CRACD: variants seen among roughly 807,000 people sequenced by gnomAD.
The protein encoded by CRACD is capping protein-inhibiting regulator of actin dynamics.
Under a neutral mutation model 106.8 loss-of-function variants are expected in CRACD, and 56 were observed. The ratio of observed to expected loss-of-function variants is 0.52; its 90% CI spans 0.42 to 0.66. The LOEUF (loss-of-function observed/expected upper bound fraction) is 0.66, where lower values mean the gene tolerates loss of function less well. CRACD is among the 30% of genes least tolerant of loss of function. The probability of loss-of-function intolerance (pLI) is 0.00; values close to 1 mark genes in which losing one functional copy is unlikely to be tolerated. For synonymous variants in CRACD, 754 were observed against 670.8 expected (o/e 1.12, Z -1.92); for missense variants, 1,730 against 1,623.2 (o/e 1.07, Z -1.13).
Position 56,298,235 on chromosome 4 carries a change from A to G in CRACD, c.6A>G (p.Gly2=). 6.2e-7 allele frequency: 1 copy of G among 1,614,130 alleles called. No individual in the cohort carries two copies. The highest frequency in any genetic ancestry group is 8.5e-7 in the Non-Finnish European group (1 of 1,179,988). The change falls in exon 4 of 11, where the codon GGA becomes GGG. Residue 2 remains glycine, a synonymous_variant. Transcript: ENST00000682029. M[G]TRAFSHDSIF... The stretch of plus-strand genomic sequence containing the variant: ...CCAGGTCCTTCAACTATTCTATGGG[A>G]ACCCGGGCATTTTCCCATGACAGTA...
intron 2 of CRACD, among the ~76,000 whole-genome samples, chr4:56,220,946 A>G (rs1738997811): frequency 6.6e-6 from 1 of 152,232 alleles, no homozygotes; most frequent in Admixed American, 6.5e-5. Flanking sequence ...GAGAAGTGAA[A>G]AGAAGGTCCA....
intron 3 of CRACD, among the ~76,000 whole-genome samples, chr4:56,276,772 G>A (rs141756750): frequency 6.6e-6 from 1 of 152,356 alleles, no homozygotes; most frequent in East Asian, 1.9e-4. Context: ...ACTAGGCTCA[G>A]ATGTCTGCCT....
chr4:56,250,705 C>A lies in CRACD; in HGVS notation c.-188-21616C>A, dbSNP rs116116731. On this transcript the variant is annotated intron_variant, in intron 2 of 10. Transcript: ENST00000682029. ...CTGTGTAACAACGGGCAAATCATCT[C>A]AGCTCTCTGAGCTTCCATTTTCTAT... 6.7e-3 allele frequency among the ~76,000 whole-genome samples: 1,017 copies of A among 152,288 alleles called. 15 individuals carry two copies. The highest frequency in any genetic ancestry group is 0.023 in the African/African-American group (975 of 41,564).
At chr4:56,239,976 G>A (rs1740267685) in intron 2 of CRACD, among the ~76,000 whole-genome samples, 1 of 152,016 alleles carries the variant, frequency 6.6e-6, no homozygotes, top group South Asian at 2.1e-4. Context: ...TTAAGCCTAT[G>A]ACAGGTTTTT....
chr4:56,325,439 CGT>C (rs992609341), intron 10 of CRACD, among the ~76,000 whole-genome samples: 2 of 152,208 alleles, frequency 1.3e-5, no homozygotes, highest in African/African-American at 4.8e-5. Context: ...GATGGTGACA[CGT>C]GGCTCAGAAG....
At chr4:56,247,859 AAAAG>A (rs1213558778) in intron 2 of CRACD, among the ~76,000 whole-genome samples, 1 of 151,834 alleles carries the variant, frequency 6.6e-6, no homozygotes, top group East Asian at 1.9e-4. Flanking sequence ...GAAAAAAAAA[AAAAG>A]AGAGAGAGAG....
chr4:56,087,756 C>T (rs1470431834), intron 1 of CRACD, among the ~76,000 whole-genome samples: 1 of 152,156 alleles, frequency 6.6e-6, no homozygotes, highest in South Asian at 2.1e-4. Context: ...ACCTCAGTCC[C>T]TTCTCCCTAA....
chr4:56,189,644 C>T (rs1196268247), intron 2 of CRACD, among the ~76,000 whole-genome samples: 5 of 143,238 alleles, frequency 3.5e-5, no homozygotes, highest in Admixed American at 1.4e-4. Context: ...TGAGAACATG[C>T]GGTGTTTGGT....
chr4:56,146,385 G>A (rs1735379670), intron 1 of CRACD, among the ~76,000 whole-genome samples: 2 of 150,836 alleles, frequency 1.3e-5, no homozygotes, highest in Non-Finnish European at 3.0e-5. Context: ...AGTTTTCTTT[G>A]CCATGTATCT....
chr4:56,216,019 C>T (rs937057603), intron 2 of CRACD: 62 of 152,192 alleles, frequency 4.1e-4, no homozygotes, highest in African/African-American at 1.4e-3. Flanking sequence ...CGGGAGTAGC[C>T]CTTGCTCTTG....
chr4:56,087,337 A>C (rs1007551012), intron 1 of CRACD, among the ~76,000 whole-genome samples: 10 of 152,178 alleles, frequency 6.6e-5, no homozygotes, highest in Non-Finnish European at 1.5e-4. Context: ...GTGATTTGGC[A>C]TTGAGAAATA....
chr4:56,329,570 CTG>C lies in CRACD; in HGVS notation c.*1768_*1769del, dbSNP rs753318017. Among the ~76,000 whole-genome samples, 14 of 152,186 alleles carry C rather than the reference CTG, an allele frequency of 9.2e-5. No homozygotes were observed. Among genetic ancestry groups the C allele is most frequent in the Non-Finnish European group, 2.1e-4 (14 of 68,030 alleles). ...ATATCATATATACTGGACCTTCAGA[CTG>C]TTAAAAATCAATGTAACCTTTTTTT... On this transcript the variant is annotated 3_prime_UTR_variant, in exon 11 of 11. Coordinates refer to ENST00000682029, the MANE Select transcript of CRACD (RefSeq NM_001393381.1).
At chr4:56,105,413 C>T (rs529321930) in intron 1 of CRACD, among the ~76,000 whole-genome samples, 2 of 152,214 alleles carry the variant, frequency 1.3e-5, no homozygotes, top group East Asian at 1.9e-4. Context: ...GTGGAAGGAT[C>T]GCTTGAGGCC....
At chr4:56,089,509 AT>A (rs761380094) in intron 1 of CRACD, among the ~76,000 whole-genome samples, 11,438 of 124,258 alleles carry the variant, frequency 0.092, 341 homozygotes, top group East Asian at 0.23. Flanking sequence ...GTATTATAGG[AT>A]TTTTTTTTTT....
At position 56,236,750 on chromosome 4, in the gene CRACD, A is replaced by AG. The variant is rs1274865337; in HGVS notation, c.-188-35571_-188-35570insG. Among the ~76,000 whole-genome samples the AG allele has an allele frequency of 3.9e-5, 6 of 152,236 alleles. No individual in the cohort carries two copies. In the East Asian group the frequency reaches 9.6e-4, roughly 24 times the overall value. ...TATTTTCAAAGACTAAAAAAAAAAA[A>AG]CAAAACTTTTGTGCTGCAAAATATG... On this transcript the variant is annotated intron_variant, in intron 2 of 10. Transcript: ENST00000682029.
At chr4:56,297,172 A>C (rs1266984697) in intron 3 of CRACD, among the ~76,000 whole-genome samples, 4 of 151,792 alleles carry the variant, frequency 2.6e-5, no homozygotes, top group African/African-American at 9.7e-5. Context: ...CGAACTCCAG[A>C]CCTCAGGTGA....
rs779361664 is a variant in CRACD, at chr4:56,328,363, G to C, written c.*559G>C. The C allele has an allele frequency of 9.6e-6, 5 of 518,916 alleles. No individual in the cohort carries two copies. Among genetic ancestry groups the C allele is most frequent in the Admixed American group, 7.8e-5 (4 of 51,582 alleles). 32.1% of individuals were successfully genotyped at this position (518,916 alleles called of 1,614,324 possible). A position where few individuals can be genotyped will look rare whatever the true frequency, so the allele number is the denominator to read the frequency against. On this transcript the variant is annotated 3_prime_UTR_variant, in exon 11 of 11. Transcript: ENST00000682029. Reference sequence around the variant, plus strand: ...CTGGCACCCAACTGTGCCCATCTTAGTTTTCATGAGTTTTCCCCACTCTGA... The same window carrying C: ...CTGGCACCCAACTGTGCCCATCTTACTTTTCATGAGTTTTCCCCACTCTGA...
At position 56,278,767 on chromosome 4, in the gene CRACD, A is replaced by G. The variant is rs113743716; in HGVS notation, c.-17+6275A>G. Among the ~76,000 whole-genome samples the G allele has an allele frequency of 1.8e-3, 272 of 152,326 alleles. 1 individual carries two copies. The highest frequency in any genetic ancestry group is 6.1e-3 in the African/African-American group (255 of 41,588). ...TTGGAATAAGTAAAAATAAAAAACA[A>G]AACTCCCACAACTCAATAATAAAAT... On this transcript the variant is annotated intron_variant, in intron 3 of 10. Coordinates refer to ENST00000682029, the MANE Select transcript of CRACD (RefSeq NM_001393381.1).
intron 1 of CRACD, among the ~76,000 whole-genome samples, chr4:56,111,704 G>A (rs1205824822): frequency 6.6e-6 from 1 of 151,928 alleles, no homozygotes; most frequent in Non-Finnish European, 1.5e-5. Flanking sequence ...ATTTTTATTA[G>A]AGATAGGGTT....
Sources: gnomAD v4.1 joint callset for allele counts (sites outside exome capture counted in the v4.1 genomes callset) on GRCh38, gnomAD v4.1.1 for gene constraint, MANE v1.5 for transcripts, NCBI Gene and HGNC (gene_info 2026-07-23, HGNC 2026-07-21) for gene names.